Variants in MAST4 observed in about 807,000 individuals in gnomAD.
The protein encoded by MAST4 is microtubule associated serine/threonine kinase family member 4, also known as microtubule-associated serine/threonine-protein kinase 4.
Under a neutral mutation model 162.7 loss-of-function variants are expected in MAST4, and 89 were observed. That is an observed-to-expected ratio of 0.55 (90% CI 0.46 to 0.65). The LOEUF is 0.65. Ranked by LOEUF, MAST4 falls within the 30% of genes least tolerant of loss-of-function variation. MAST4 has a pLI of 0.00. For missense variants in MAST4, 3,153 were observed against 3,374.0 expected (o/e 0.93, Z 1.62); for synonymous variants, 1,479 against 1,361.1 (o/e 1.09, Z -1.91).
intron 1 of MAST4, among the ~76,000 whole-genome samples, chr5:66,705,469 A>G (rs1309010459): frequency 6.6e-6 from 1 of 152,232 alleles, no homozygotes; most frequent in South Asian, 2.1e-4. Context: ...ATATAATTAT[A>G]CAGATGAATG....
chr5:66,759,856 C>T lies in MAST4; in HGVS notation c.511C>T (p.Leu171=). 1.2e-6 allele frequency: 2 copies of T among 1,613,870 alleles called. No homozygotes were observed. Among genetic ancestry groups the T allele is most frequent in the East Asian group, 2.2e-5 (1 of 44,858 alleles). The part of the protein sequence containing the change: ...QLRRGSLGGA[L]TGRYLLPNPV... The stretch of plus-strand genomic sequence containing the variant: ...AAGGCGAGGGAGCCTGGGAGGAGCC[C>T]TGACTGGTGAGTCGCAGCGGCTTGG... The change falls in exon 2 of 29, where the codon CTG becomes TTG. Residue 171 remains leucine, a synonymous_variant. Transcript: ENST00000403625.
rs370998159 is a variant in MAST4, at chr5:67,029,078, G to A, written c.675-25326G>A. Among the ~76,000 whole-genome samples the A allele has an allele frequency of 1.7e-4, 26 of 151,818 alleles. 1 individual carries two copies. The highest frequency in any genetic ancestry group is 6.0e-4 in the African/African-American group (25 of 41,380). On this transcript the variant is annotated intron_variant, in intron 4 of 28. Transcript: ENST00000403625. ...TGAGCCTGGGAGGTTGAGACTACAGGCAGCCATGATCACGTAACTACACCC... is the reference window on the plus strand; with the variant it reads ...TGAGCCTGGGAGGTTGAGACTACAGACAGCCATGATCACGTAACTACACCC...
At chr5:67,103,919 A>C (rs1411475846) in intron 9 of MAST4, among the ~76,000 whole-genome samples, 1 of 152,190 alleles carries the variant, frequency 6.6e-6, no homozygotes, top group Non-Finnish European at 1.5e-5. Context: ...TACAGAGACC[A>C]TTTTACATTT....
rs565805570 is a variant in MAST4, at chr5:66,914,982, G to T, written c.674+15000G>T. 3.9e-5 allele frequency among the ~76,000 whole-genome samples: 6 copies of T among 152,220 alleles called. No homozygotes were observed. The East Asian group carries it at 9.7e-4, about 25-fold the overall frequency. On this transcript the variant is annotated intron_variant, in intron 4 of 28. Coordinates refer to ENST00000403625, the MANE Select transcript of MAST4 (RefSeq NM_001164664.2). ...TCGAGAATCAGAAAAGAAGGTAGAG[G>T]CCCGGCGAGGTGGCTTATGCCTGTA...
chr5:66,670,045 G>T (rs1747510481), intron 1 of MAST4, among the ~76,000 whole-genome samples: 1 of 152,206 alleles, frequency 6.6e-6, no homozygotes, highest in Non-Finnish European at 1.5e-5. Flanking sequence ...CTAATGCCTT[G>T]CTCAAATTTG....
intron 1 of MAST4, among the ~76,000 whole-genome samples, chr5:66,700,840 G>A (rs1172570386): frequency 1.4e-5 from 2 of 143,448 alleles, no homozygotes; most frequent in South Asian, 2.2e-4. Flanking sequence ...TATACACATC[G>A]GTGTATTAGA....
At chr5:66,975,161 C>T (rs1747974095) in intron 4 of MAST4, among the ~76,000 whole-genome samples, 1 of 151,996 alleles carries the variant, frequency 6.6e-6, no homozygotes, top group Non-Finnish European at 1.5e-5. Flanking sequence ...GCAGATTCTC[C>T]CTGAGAGCCT....
At chr5:66,661,078 C>T (rs2149460551) in intron 1 of MAST4, among the ~76,000 whole-genome samples, 1 of 152,292 alleles carries the variant, frequency 6.6e-6, no homozygotes, top group Middle Eastern at 3.4e-3. Context: ...ATCCTCTAGG[C>T]ATCCCTAGTG....
intron 5 of MAST4, among the ~76,000 whole-genome samples, chr5:67,088,092 A>G (rs1763450233): frequency 6.6e-6 from 1 of 152,228 alleles, no homozygotes; most frequent in African/African-American, 2.4e-5. Context: ...AAGGGTCAGC[A>G]TGGGGACCAT....
chr5:66,615,982 T>A (rs2149400586), intron 1 of MAST4, among the ~76,000 whole-genome samples: 1 of 152,320 alleles, frequency 6.6e-6, no homozygotes, highest in South Asian at 2.1e-4. Flanking sequence ...TGTTGTGATG[T>A]TTTCTCCCCT....
chr5:66,681,967 G>A (rs1282355039), intron 1 of MAST4, among the ~76,000 whole-genome samples: 1 of 152,206 alleles, frequency 6.6e-6, no homozygotes, highest in Non-Finnish European at 1.5e-5. Context: ...AAGGTGACTG[G>A]TTACTCCAGA....
chr5:66,808,743 G>A (rs1285403936), intron 3 of MAST4, among the ~76,000 whole-genome samples: 1 of 152,092 alleles, frequency 6.6e-6, no homozygotes, highest in Non-Finnish European at 1.5e-5. Context: ...ATTTATCTCA[G>A]AATATTTAAA....
intron 3 of MAST4, among the ~76,000 whole-genome samples, chr5:66,865,404 A>G (rs370992352): frequency 1.4e-5 from 2 of 140,632 alleles, no homozygotes; most frequent in Non-Finnish European, 3.2e-5. Context: ...TACACTAGTC[A>G]GTACACAAAT....
intron 1 of MAST4, among the ~76,000 whole-genome samples, chr5:66,717,118 T>C (rs2149532253): frequency 6.6e-6 from 1 of 152,196 alleles, no homozygotes; most frequent in Non-Finnish European, 1.5e-5. Context: ...GAGCCTGGAC[T>C]TCAGGCTAAG....
chr5:66,895,502 T>C (rs976394468), intron 3 of MAST4, among the ~76,000 whole-genome samples: 9 of 152,180 alleles, frequency 5.9e-5, no homozygotes, highest in Non-Finnish European at 1.2e-4. Flanking sequence ...ATCTTGAATG[T>C]AGCATGTCAA....
chr5:67,048,242 T>G (rs1349439079), intron 4 of MAST4, among the ~76,000 whole-genome samples: 1 of 152,182 alleles, frequency 6.6e-6, no homozygotes, highest in East Asian at 1.9e-4. Flanking sequence ...TTTTAGTGCA[T>G]TTAGGAATCC....
rs576866256 is a variant in MAST4, at chr5:67,045,395, A to G, written c.675-9009A>G. On this transcript the variant is annotated intron_variant, in intron 4 of 28. Coordinates refer to ENST00000403625, the MANE Select transcript of MAST4 (RefSeq NM_001164664.2). ...TAATACTATGACATCAGAGCCCACC[A>G]TGTTAGCCATGTAGAAATAGCTATG... 7.2e-5 allele frequency among the ~76,000 whole-genome samples: 11 copies of G among 152,358 alleles called. No homozygotes were observed. In the South Asian group the frequency reaches 1.9e-3, roughly 26 times the overall value.
At position 67,164,130 on chromosome 5, in the gene MAST4, C is replaced by A; in HGVS notation, c.4951C>A (p.His1651Asn). 6.2e-7 allele frequency: 1 copy of A among 1,602,144 alleles called. No individual in the cohort carries two copies. The highest frequency in any genetic ancestry group is 1.3e-5 in the African/African-American group (1 of 74,886). ...TGGCACCCTCCAGGATGGTCTCTGCCACTCCCTCGACAGGGGCATCTCTGG... is the reference window on the plus strand; with the variant it reads ...TGGCACCCTCCAGGATGGTCTCTGCAACTCCCTCGACAGGGGCATCTCTGG... ...APGTLQDGLC[H>N]SLDRGISGKG... is the part of the protein sequence containing the mutation. Residue 1651 changes from histidine to asparagine, a missense_variant, in exon 29 of 29, where the codon CAC (histidine) becomes AAC (asparagine). His to Asn is a moderately conservative substitution (Grantham distance 68, BLOSUM62 1). This residue lies in a region of MAST4 where 1,644 missense variants were observed against 1,495.0 expected (regional missense o/e 1.10). Coordinates refer to ENST00000403625, the MANE Select transcript of MAST4 (RefSeq NM_001164664.2). This position sits in a 1 kb window ranked among gnomAD's most constrained non-coding sequence, Gnocchi z 5.3.
At chr5:66,845,915 A>G (rs1430472568) in intron 3 of MAST4, among the ~76,000 whole-genome samples, 1 of 152,150 alleles carries the variant, frequency 6.6e-6, no homozygotes, top group Non-Finnish European at 1.5e-5. Flanking sequence ...GCTTTTGAAA[A>G]TAGTATCCTA....
Sources: gnomAD v4.1 joint callset for allele counts (sites outside exome capture counted in the v4.1 genomes callset) on GRCh38, gnomAD v4.1.1 for gene constraint, gnomAD v4.1.1 regional missense constraint, Gnocchi (gnomAD v3.1) non-coding constraint, MANE v1.5 for transcripts, NCBI Gene and HGNC (gene_info 2026-07-23, HGNC 2026-07-21) for gene names.